Variants in GRIP1 observed in about 807,000 individuals in gnomAD.
GRIP1 encodes the protein glutamate receptor-interacting protein 1.
Under a neutral mutation model 129.9 loss-of-function variants are expected in GRIP1, and 45 were observed. The ratio of observed to expected loss-of-function variants is 0.35; its 90% CI spans 0.27 to 0.44. The LOEUF (loss-of-function observed/expected upper bound fraction) is 0.44. Ranked by LOEUF, GRIP1 falls within the 20% of genes least tolerant of loss-of-function variation. The pLI is 1.00. For synonymous variants in GRIP1, 530 were observed against 520.8 expected, an observed-to-expected ratio of 1.02 and a Z score of -0.24; for missense variants, 1,196 against 1,396.8, an observed-to-expected ratio of 0.86 and a Z score of 2.29.
chr12:66,596,895 T>C lies in GRIP1; in HGVS notation c.88A>G (p.Thr30Ala), dbSNP rs1485055791. 1 of 1,613,690 alleles carries C rather than the reference T, an allele frequency of 6.2e-7. No individual in the cohort carries two copies. Among genetic ancestry groups the C allele is most frequent in the Non-Finnish European group, 8.5e-7 (1 of 1,179,582 alleles). ...ESPYTKSASQ[T>A]KPPDGALAVR... is the part of the protein sequence containing the mutation. ...GCCAACGCTCCATCAGGCGGCTTTG[T>C]CTGGCTGGCGGATTTAGTGTAGGGA... The change falls in exon 2 of 25, where the codon ACA (threonine) becomes GCA (alanine). Residue 30 changes from threonine to alanine, a missense_variant. By Grantham distance (58) the Thr-to-Ala change is moderately conservative (BLOSUM62 0). This residue lies in a region of GRIP1 where 217 missense variants were observed against 224.8 expected (regional missense o/e 0.97). Transcript: ENST00000359742.
intron 2 of GRIP1, among the ~76,000 whole-genome samples, chr12:66,579,818 G>C (rs1054042048): frequency 5.3e-5 from 8 of 151,204 alleles, no homozygotes; most frequent in African/African-American, 1.9e-4. Context: ...ATGGAACCAA[G>C]TTGGAAAACA....
At chr12:66,957,150 A>G (rs941603135) in intron 1 of GRIP1, among the ~76,000 whole-genome samples, 2 of 152,154 alleles carry the variant, frequency 1.3e-5, no homozygotes, top group Middle Eastern at 3.2e-3. Context: ...GAAGGTTCCC[A>G]ATCCAATATG....
intron 7 of GRIP1, among the ~76,000 whole-genome samples, chr12:66,467,605 G>A (rs2059322642): frequency 6.6e-6 from 1 of 152,160 alleles, no homozygotes; most frequent in Non-Finnish European, 1.5e-5. Context: ...TCACTAAGGT[G>A]GTTAGTTTTG....
intron 1 of GRIP1, among the ~76,000 whole-genome samples, chr12:66,635,864 T>G (rs2031311501): frequency 6.6e-6 from 1 of 152,168 alleles, no homozygotes; most frequent in South Asian, 2.1e-4. Flanking sequence ...CTATTTCACC[T>G]CTTTAGTAAT....
In GRIP1 at chr12:66,362,825, G is replaced by A. The variant is rs545170236; in HGVS notation, c.3012+8869C>T. On this transcript the variant is annotated intron_variant, in intron 23 of 24. Transcript: ENST00000359742. ...CACACTAGACACTAGCGAGCCTGCC[G>A]CAGAGGCGTCTGAGTCTAGGGGATG... Among the ~76,000 whole-genome samples the A allele has an allele frequency of 8.6e-5, 13 of 151,900 alleles. No individual in the cohort carries two copies. The East Asian group carries it at 1.2e-3, about 14-fold the overall frequency.
chr12:66,442,266 T>C (rs1228694364), intron 13 of GRIP1, among the ~76,000 whole-genome samples: 4 of 152,164 alleles, frequency 2.6e-5, no homozygotes, highest in African/African-American at 9.7e-5. Flanking sequence ...TCCCTTATAT[T>C]GTTCCAGGAA....
intron 1 of GRIP1, among the ~76,000 whole-genome samples, chr12:66,636,695 C>T (rs532541025): frequency 6.7e-6 from 1 of 149,038 alleles, no homozygotes; most frequent in East Asian, 2.0e-4. Context: ...CTTTATAAAA[C>T]AGGGGGAGAC....
At chr12:66,946,328 A>AT (rs2041667483) in intron 1 of GRIP1, among the ~76,000 whole-genome samples, 1 of 152,124 alleles carries the variant, frequency 6.6e-6, no homozygotes, top group Non-Finnish European at 1.5e-5. Flanking sequence ...GATAACCTAA[A>AT]CCCAGTAGAG....
rs961661991 is a variant in GRIP1 at position 66,506,227 on chromosome 12, G to A, written c.724+9392C>T. 3.9e-5 allele frequency among the ~76,000 whole-genome samples: 6 copies of A among 152,196 alleles called. No individual in the cohort carries two copies. In the East Asian group the frequency reaches 1.2e-3, roughly 29 times the overall value. On this transcript the variant is annotated intron_variant, in intron 7 of 24. Transcript: ENST00000359742. ...AAATGCATACATATGTTCCCCAAAA[G>A]ACAAATATTAGAATGTTCACAATAG...
intron 2 of GRIP1, among the ~76,000 whole-genome samples, chr12:66,584,407 TA>T (rs557172211): frequency 0.035 from 5,325 of 151,084 alleles, 248 homozygotes; most frequent in African/African-American, 0.11. Flanking sequence ...TAAAGTATAA[TA>T]AAAAAAAATA....
chr12:66,631,018 C>G (rs1434728870), intron 1 of GRIP1, among the ~76,000 whole-genome samples: 1 of 152,072 alleles, frequency 6.6e-6, no homozygotes, highest in Non-Finnish European at 1.5e-5. Flanking sequence ...TCACTGCAAC[C>G]TCCGCCTCCC....
intron 2 of GRIP1, among the ~76,000 whole-genome samples, chr12:66,593,283 A>G (rs1432235844): frequency 6.6e-6 from 1 of 152,192 alleles, no homozygotes; most frequent in Admixed American, 6.5e-5. Context: ...GGGTGATAAA[A>G]GGATTTACGG....
At chr12:66,851,754 G>A (rs1352670427) in intron 1 of GRIP1, among the ~76,000 whole-genome samples, 1 of 152,056 alleles carries the variant, frequency 6.6e-6, no homozygotes, top group African/African-American at 2.4e-5. Flanking sequence ...GATAGTGTAT[G>A]GCTAAGCAGG....
chr12:66,392,555 T>A (rs1043977323), intron 18 of GRIP1, 53 bp from the exon 19 acceptor site: 1 of 1,582,778 alleles, frequency 6.3e-7, no homozygotes, highest in African/African-American at 1.3e-5. Flanking sequence ...AATAAAAATA[T>A]ACCAAGATAC....
At chr12:66,937,350 G>A (rs74098154) in intron 1 of GRIP1, among the ~76,000 whole-genome samples, 4 of 152,110 alleles carry the variant, frequency 2.6e-5, no homozygotes, top group Admixed American at 6.5e-5. Flanking sequence ...CATCTGCTCC[G>A]CCAGTAGAAC....
chr12:66,569,419 G>A (rs1012308336), intron 2 of GRIP1, among the ~76,000 whole-genome samples: 4 of 152,176 alleles, frequency 2.6e-5, no homozygotes, highest in Non-Finnish European at 4.4e-5. Flanking sequence ...AGAGGTTGCC[G>A]TGAGCCAAGA....
intron 1 of GRIP1, among the ~76,000 whole-genome samples, chr12:67,027,780 G>T (rs967320069): frequency 5.9e-5 from 9 of 152,200 alleles, no homozygotes; most frequent in African/African-American, 1.9e-4. Context: ...AACCCAGAAG[G>T]CATGGCATGA....
intron 1 of GRIP1, among the ~76,000 whole-genome samples, chr12:66,742,773 G>A (rs928613245): frequency 2.6e-4 from 39 of 152,140 alleles, no homozygotes; most frequent in African/African-American, 9.2e-4. Flanking sequence ...AAGGGCAAAT[G>A]AGACATGATG....
At chr12:66,632,448 C>A (rs368120070) in intron 1 of GRIP1, among the ~76,000 whole-genome samples, 1 of 152,198 alleles carries the variant, frequency 6.6e-6, no homozygotes, top group Admixed American at 6.5e-5. Flanking sequence ...AGCTGAGGTA[C>A]CCTCTCTTCC....
Sources: allele counts gnomAD v4.1 joint callset (sites outside exome capture counted in the v4.1 genomes callset), GRCh38; gene constraint gnomAD v4.1.1; regional missense constraint gnomAD v4.1.1; transcripts MANE v1.5; gene names NCBI Gene and HGNC (gene_info 2026-07-23, HGNC 2026-07-21).